MORN1: variants seen among roughly 807,000 people sequenced by gnomAD.
MORN1 encodes the protein MORN repeat containing 1, also known as MORN repeat-containing protein 1.
In MORN1, 67 loss-of-function variants were observed where a neutral mutation model predicts 61.9. The observed-to-expected ratio is 1.08, with a 90% CI of 0.89 to 1.33. MORN1 has a LOEUF of 1.33. Ranked by LOEUF, MORN1 falls within the 40% of genes most tolerant of loss-of-function variation. MORN1 has a pLI of 0.00. For missense variants in MORN1, 752 were observed against 691.2 expected (o/e 1.09, Z -0.99); for synonymous variants, 301 against 292.0 (o/e 1.03, Z -0.31).
chr1:2,367,642 A>G (rs1642025129), intron 8 of MORN1, among the ~76,000 whole-genome samples: 1 of 152,030 alleles, frequency 6.6e-6, no homozygotes, highest in Non-Finnish European at 1.5e-5. Flanking sequence ...AGCTAAAAAT[A>G]TGTCATTTTT....
At chr1:2,349,250 A>G (rs1343798046) in intron 10 of MORN1, among the ~76,000 whole-genome samples, 1 of 152,148 alleles carries the variant, frequency 6.6e-6, no homozygotes, top group Non-Finnish European at 1.5e-5. Context: ...GGAGGAGGGA[A>G]CCTGAAAGCT....
intron 6 of MORN1, chr1:2,378,667 C>T (rs922313223): frequency 9.8e-6 from 3 of 304,940 alleles, no homozygotes; most frequent in Admixed American, 4.5e-5. Flanking sequence ...CTGCTGCCAA[C>T]ATGGGTAGGA....
chr1:2,322,174 T>G, intron 13 of MORN1: 2 of 985,392 alleles, frequency 2.0e-6, no homozygotes, highest in Non-Finnish European at 1.2e-6. Flanking sequence ...TTTCACAGTC[T>G]GTAAACTGTC....
At chr1:2,342,917 A>G (rs1276789228) in intron 10 of MORN1, among the ~76,000 whole-genome samples, 1 of 72,100 alleles carries the variant, frequency 1.4e-5, no homozygotes, top group Admixed American at 1.3e-4. Context: ...TTTTATTTTA[A>G]TCATAGAGAT....
chr1:2,385,740 A>T, intron 5 of MORN1, 67 bp downstream of exon 5: 1 of 1,461,232 alleles, frequency 6.8e-7, no homozygotes, highest in East Asian at 2.3e-5. Flanking sequence ...CCCCCAGGCC[A>T]CATGGCCTCA....
chr1:2,330,953 G>A (rs539127548), intron 12 of MORN1, among the ~76,000 whole-genome samples: 1 of 152,224 alleles, frequency 6.6e-6, no homozygotes, highest in Non-Finnish European at 1.5e-5. Flanking sequence ...TTTCAGAACC[G>A]ACAGGGCTTT....
At chr1:2,349,593 A>G (rs1335160067) in intron 10 of MORN1, among the ~76,000 whole-genome samples, 1 of 152,228 alleles carries the variant, frequency 6.6e-6, no homozygotes, top group Non-Finnish European at 1.5e-5. Context: ...CATTCCTTTA[A>G]AAATATGGCT....
chr1:2,389,214 T>C (rs1251293940), intron 2 of MORN1, among the ~76,000 whole-genome samples: 4 of 152,200 alleles, frequency 2.6e-5, no homozygotes, highest in Admixed American at 6.5e-5. Context: ...CACCAAAGGT[T>C]CACGGCACTT....
intron 10 of MORN1, among the ~76,000 whole-genome samples, chr1:2,353,078 C>T (rs759293791): frequency 6.6e-6 from 1 of 152,224 alleles, no homozygotes; most frequent in Non-Finnish European, 1.5e-5. Context: ...GCAGGCCAGG[C>T]CAGAGGCTTC....
rs1364147491 is a variant in MORN1, at chr1:2,337,762, G to A, written c.1037-912C>T. Among the ~76,000 whole-genome samples, 3 of 152,198 alleles carry A rather than the reference G, an allele frequency of 2.0e-5. No individual in the cohort carries two copies. The highest frequency in any genetic ancestry group is 4.8e-5 in the African/African-American group (2 of 41,448). ...GGAGGAGGTGCTAGCAGGAGGCCAC[G>A]GGATGTGGTGAGGGCTGGAGGTCGG... On this transcript the variant is annotated intron_variant, in intron 10 of 13. Transcript: ENST00000378531. This position sits in a 1 kb window ranked among gnomAD's most constrained non-coding sequence, Gnocchi z 5.7.
chr1:2,358,722 GGA>G lies in MORN1; in HGVS notation c.746-9_746-8del. The G allele has an allele frequency of 6.2e-7, 1 of 1,605,852 alleles. No individual in the cohort carries two copies. The highest frequency in any genetic ancestry group is 2.2e-5 in the East Asian group (1 of 44,464). On this transcript the variant is annotated splice_region_variant and splice_polypyrimidine_tract_variant and intron_variant, in intron 8 of 13. Transcript: ENST00000378531. ...AGGACCCGGCCGCTCTCGCCTTCCA[GGA>G]GAGAGGAGCAGGCAGTGAACACTCA...
At chr1:2,376,193 T>C (rs1405132565) in intron 6 of MORN1, 2 of 151,966 alleles carry the variant, frequency 1.3e-5, no homozygotes, top group Non-Finnish European at 2.9e-5. Flanking sequence ...CTCTGTCCTA[T>C]GACTCCAGAC....
intron 10 of MORN1, among the ~76,000 whole-genome samples, chr1:2,353,829 G>A (rs541686019): frequency 1.3e-5 from 2 of 152,356 alleles, no homozygotes; most frequent in East Asian, 3.9e-4. Flanking sequence ...AAGGCCACAT[G>A]TTGGGGGCAG....
chr1:2,321,337 G>A lies in MORN1; in HGVS notation c.*46C>T, dbSNP rs997220317. 3.7e-5 allele frequency: 49 copies of A among 1,333,962 alleles called. 3 individuals carry two copies. In the South Asian group the frequency reaches 6.2e-4, roughly 17 times the overall value. The allele number at this position is 1,333,962 out of a possible 1,614,324, so 82.6% of individuals were successfully genotyped here. Reference sequence around the variant, plus strand: ...GCAGAGTCACGCAAGCAGAGGCAGCGTTTCCTTCCATTCACACCGAGGTGG... The same window carrying A: ...GCAGAGTCACGCAAGCAGAGGCAGCATTTCCTTCCATTCACACCGAGGTGG... On this transcript the variant is annotated 3_prime_UTR_variant, in exon 14 of 14. Coordinates refer to ENST00000378531, the MANE Select transcript of MORN1 (RefSeq NM_024848.3).
At chr1:2,373,577 G>A (rs756412509) in intron 7 of MORN1, among the ~76,000 whole-genome samples, 3 of 152,160 alleles carry the variant, frequency 2.0e-5, no homozygotes, top group Non-Finnish European at 4.4e-5. Context: ...TGAGGATCCA[G>A]GGGCCCCTCA....
intron 8 of MORN1, 50 bp from the exon 9 acceptor site, chr1:2,358,765 G>T (rs576833184): frequency 1.9e-6 from 3 of 1,566,952 alleles, no homozygotes; most frequent in Non-Finnish European, 1.7e-6. Context: ...ACCCAGAAGC[G>T]GGGTGCGCGG....
intron 12 of MORN1, among the ~76,000 whole-genome samples, chr1:2,335,216 A>G (rs1265603515): frequency 6.6e-6 from 1 of 152,178 alleles, no homozygotes; most frequent in Non-Finnish European, 1.5e-5. Context: ...GCCTCACTGC[A>G]GGGGGCTGCA....
At chr1:2,367,070 T>C (rs1642011604) in intron 8 of MORN1, among the ~76,000 whole-genome samples, 1 of 152,080 alleles carries the variant, frequency 6.6e-6, no homozygotes, top group Non-Finnish European at 1.5e-5. Context: ...TTATAAAATA[T>C]TGTACACAAC....
chr1:2,383,432 GTC>G (rs944228815), intron 6 of MORN1, among the ~76,000 whole-genome samples: 22 of 152,212 alleles, frequency 1.4e-4, no homozygotes, highest in African/African-American at 5.3e-4. Context: ...GGAGGTCTGA[GTC>G]TCAGGAGGGT....
Sources: allele counts gnomAD v4.1 joint callset (sites outside exome capture counted in the v4.1 genomes callset), GRCh38; gene constraint gnomAD v4.1.1; non-coding constraint Gnocchi (gnomAD v3.1); transcripts MANE v1.5; gene names NCBI Gene and HGNC (gene_info 2026-07-23, HGNC 2026-07-21).